POLDIP3: variants seen among roughly 807,000 people sequenced by gnomAD.
The protein encoded by POLDIP3 is polymerase delta-interacting protein 3.
A neutral mutation model predicts 45.1 loss-of-function variants in POLDIP3; 14 were observed. The observed-to-expected ratio is 0.31, with a 90% confidence interval of 0.20 to 0.49. The LOEUF is 0.49. POLDIP3 is among the 20% of genes least tolerant of loss of function. The pLI, the probability that POLDIP3 is intolerant of heterozygous loss-of-function variation, is 0.99. For synonymous variants in POLDIP3, 223 were observed against 205.2 expected, an observed-to-expected ratio of 1.09 and a Z score of -0.74; for missense variants, 511 against 538.8, an observed-to-expected ratio of 0.95 and a Z score of 0.51.
At chr22:42,601,153 T>C (rs1053149036) in intron 3 of POLDIP3, among the ~76,000 whole-genome samples, 1 of 152,030 alleles carries the variant, frequency 6.6e-6, no homozygotes, top group African/African-American at 2.4e-5. Flanking sequence ...TGACTGGCTT[T>C]GGAGAATAGG....
At chr22:42,591,212 T>G (rs921547420) in intron 7 of POLDIP3, among the ~76,000 whole-genome samples, 1 of 151,942 alleles carries the variant, frequency 6.6e-6, no homozygotes, top group African/African-American at 2.4e-5. Context: ...ACAAAATTAA[T>G]TTCTTTAATG....
At chr22:42,590,345 C>T (rs1374959131) in intron 7 of POLDIP3, among the ~76,000 whole-genome samples, 4 of 152,154 alleles carry the variant, frequency 2.6e-5, no homozygotes, top group Admixed American at 1.3e-4. Flanking sequence ...CACGCCACCA[C>T]GCGCCCAGCT....
chr22:42,591,888 G>C, intron 7 of POLDIP3, 67 bp downstream of exon 7: 1 of 1,599,244 alleles, frequency 6.3e-7, no homozygotes, highest in South Asian at 1.1e-5. Context: ...TCCCCTGGAA[G>C]GCCTGCTACC....
intron 6 of POLDIP3, among the ~76,000 whole-genome samples, chr22:42,593,422 T>C (rs1013623541): frequency 1.3e-5 from 2 of 152,204 alleles, no homozygotes; most frequent in African/African-American, 4.8e-5. Flanking sequence ...GGTGTTTAGT[T>C]TTCCACCATT....
intron 3 of POLDIP3, among the ~76,000 whole-genome samples, chr22:42,600,787 T>C (rs923824381): frequency 3.3e-5 from 5 of 152,050 alleles, no homozygotes; most frequent in African/African-American, 9.7e-5. Flanking sequence ...CTGACCAACA[T>C]GGAGAAACAC....
chr22:42,584,877 T>C lies in POLDIP3; in HGVS notation c.*914A>G, dbSNP rs1482026613. ...ATGGAGAGCCAGGAACAAACTGACC[T>C]CTTCCATTCAAATAAGCTCCAAACC... is the stretch of plus-strand genomic sequence containing the variant. On this transcript the variant is annotated 3_prime_UTR_variant, in exon 9 of 9. Transcript: ENST00000252115. 2 of 456,074 alleles carry C rather than the reference T, an allele frequency of 4.4e-6. No individual in the cohort carries two copies. Among genetic ancestry groups the C allele is most frequent in the African/African-American group, 4.0e-5 (2 of 50,034 alleles). The allele number at this position is 456,074 out of a possible 1,614,324, so 28.3% of individuals were successfully genotyped here.
chr22:42,605,736 G>T (rs897396489), intron 1 of POLDIP3, among the ~76,000 whole-genome samples: 3 of 152,120 alleles, frequency 2.0e-5, no homozygotes, highest in Non-Finnish European at 4.4e-5. Flanking sequence ...AGAAATGGTT[G>T]TATGTGGTAG....
At chr22:42,597,354 G>A (rs1475943012) in intron 4 of POLDIP3, among the ~76,000 whole-genome samples, 3 of 152,168 alleles carry the variant, frequency 2.0e-5, no homozygotes, top group Non-Finnish European at 4.4e-5. Context: ...AATTCACCAC[G>A]CTCCTCCAAG....
chr22:42,585,967 G>A lies in POLDIP3; in HGVS notation c.1090C>T (p.Arg364Trp), dbSNP rs762274348. ...TTCATTGATGGGCTGTCACTCAGCC[G>A]CCTGTGGAGAGCAGAGAAGAGTCAA... is the stretch of plus-strand genomic sequence containing the variant. Reference protein sequence around the residue: ...VITSDQPILLRLSDSPSMKKE... With the variant: ...VITSDQPILLWLSDSPSMKKE... The change falls in exon 9 of 9, where the codon CGG (arginine) becomes TGG (tryptophan). Residue 364 changes from arginine to tryptophan, a missense_variant and splice_region_variant. By Grantham distance (101) the Arg-to-Trp change is moderately radical. Coordinates refer to ENST00000252115, the MANE Select transcript of POLDIP3 (RefSeq NM_032311.5). The A allele has an allele frequency of 3.1e-6, 5 of 1,608,650 alleles. No homozygotes were observed. The highest frequency in any genetic ancestry group is 3.4e-6 in the Non-Finnish European group (4 of 1,177,458).
chr22:42,595,772 C>G (rs964971938), intron 5 of POLDIP3, among the ~76,000 whole-genome samples, 158 bp from the exon 6 acceptor site: 2 of 152,174 alleles, frequency 1.3e-5, no homozygotes, highest in Admixed American at 6.5e-5. Context: ...ACTACACCCC[C>G]CATCACTCTA....
intron 4 of POLDIP3, among the ~76,000 whole-genome samples, chr22:42,598,075 G>T (rs1478398594): frequency 6.7e-6 from 1 of 148,312 alleles, no homozygotes; most frequent in South Asian, 2.1e-4. Context: ...ACCACGCCGA[G>T]CCAGCTTCAT....
At chr22:42,613,471 T>G (rs949878635) in intron 1 of POLDIP3, among the ~76,000 whole-genome samples, 1 of 152,118 alleles carries the variant, frequency 6.6e-6, no homozygotes, top group Admixed American at 6.6e-5. Flanking sequence ...AATAAACATC[T>G]GCGGAATGGC....
At chr22:42,596,052 G>T in intron 5 of POLDIP3, 134 bp downstream of exon 5, 1 of 958,770 alleles carries the variant, frequency 1.0e-6, no homozygotes, top group Non-Finnish European at 1.6e-6. Flanking sequence ...GAGTCCCTAG[G>T]TCTTGGTTTG....
intron 8 of POLDIP3, 124 bp downstream of exon 8, chr22:42,587,380 TGC>T: frequency 1.0e-6 from 1 of 992,046 alleles, no homozygotes; most frequent in Non-Finnish European, 1.5e-6. Context: ...AACGGCCAGC[TGC>T]CATTAGAACA....
intron 5 of POLDIP3, among the ~76,000 whole-genome samples, 161 bp from the exon 6 acceptor site, chr22:42,595,775 T>C (rs925586004): frequency 9.9e-5 from 15 of 152,054 alleles, no homozygotes; most frequent in African/African-American, 3.6e-4. Context: ...ACACCCCCCA[T>C]CACTCTATGC....
chr22:42,605,069 C>T (rs560454032), intron 1 of POLDIP3, among the ~76,000 whole-genome samples: 1 of 152,348 alleles, frequency 6.6e-6, no homozygotes, highest in Non-Finnish European at 1.5e-5. Flanking sequence ...TGGAATCTGC[C>T]AGCATCCTGA....
rs1925276115 is a variant in POLDIP3, at chr22:42,585,890, G to A, written c.1167C>T (p.Pro389=). Residue 389 remains proline, a synonymous_variant, in exon 9 of 9, where the codon CCC becomes CCT. Coordinates refer to ENST00000252115, the MANE Select transcript of POLDIP3 (RefSeq NM_032311.5). Reference sequence around the variant, plus strand: ...TGGTGTCAGGGTCCACTTCGGCAGGGGGGTTGGAGGAGGAGGCAGAGTTCA... The same window carrying A: ...TGGTGTCAGGGTCCACTTCGGCAGGAGGGTTGGAGGAGGAGGCAGAGTTCA... ...RRVNSASSSN[P]PAEVDPDTIL... 2 of 1,613,462 alleles carry A rather than the reference G, an allele frequency of 1.2e-6. No homozygotes were observed. Among genetic ancestry groups the A allele is most frequent in the Non-Finnish European group, 1.7e-6 (2 of 1,179,990 alleles).
intron 3 of POLDIP3, among the ~76,000 whole-genome samples, chr22:42,601,179 T>C (rs1569301439): frequency 6.6e-6 from 1 of 151,932 alleles, no homozygotes; most frequent in Non-Finnish European, 1.5e-5. Context: ...GAGGGACTTT[T>C]TGGCAAGTTT....
At chr22:42,595,696 T>A (rs908045520) in intron 5 of POLDIP3, 82 bp from the exon 6 acceptor site, 10 of 1,270,210 alleles carry the variant, frequency 7.9e-6, no homozygotes, top group East Asian at 2.3e-5. Flanking sequence ...GGCACGTGAC[T>A]AGGAAGGCCC....
Sources: gnomAD v4.1 joint callset for allele counts (sites outside exome capture counted in the v4.1 genomes callset) on GRCh38, gnomAD v4.1.1 for gene constraint, MANE v1.5 for transcripts, NCBI Gene and HGNC (gene_info 2026-07-23, HGNC 2026-07-21) for gene names.